Variants in CADPS2 observed in about 807,000 individuals in gnomAD.
CADPS2 encodes the protein calcium-dependent secretion activator 2.
A neutral mutation model predicts 172.5 loss-of-function variants in CADPS2; 93 were observed. The ratio of observed to expected loss-of-function variants is 0.54; its 90% CI spans 0.46 to 0.64. The LOEUF is 0.64. CADPS2 is among the 30% of genes least tolerant of loss of function. CADPS2 has a pLI of 0.00. For missense variants in CADPS2, 1,420 were observed against 1,565.9 expected (o/e 0.91, Z 1.57); for synonymous variants, 546 against 555.2 (o/e 0.98, Z 0.23).
chr7:122,575,525 C>T (rs1214051198), intron 7 of CADPS2, among the ~76,000 whole-genome samples: 1 of 151,860 alleles, frequency 6.6e-6, no homozygotes, highest in Non-Finnish European at 1.5e-5. Context: ...CAACCTCCCC[C>T]TCCAGGGTTC....
At chr7:122,572,528 T>C (rs1313008108) in intron 7 of CADPS2, among the ~76,000 whole-genome samples, 2 of 152,102 alleles carry the variant, frequency 1.3e-5, no homozygotes, top group Admixed American at 6.6e-5. Context: ...AAAAGTTATT[T>C]TGGCAAACCC....
chr7:122,629,296 G>A lies in CADPS2; in HGVS notation c.819C>T (p.Ile273=). The change falls in exon 4 of 30, where the codon ATC becomes ATT. Residue 273 remains isoleucine (I), a synonymous_variant. Coordinates refer to ENST00000449022, the MANE Select transcript of CADPS2 (RefSeq NM_017954.11). Reference sequence around the variant, plus strand: ...GCAGCCGGCCATCAAGTTCCCTTCTGATCTGGGCTGCTTGTTCATCTGCGT... The same window carrying A: ...GCAGCCGGCCATCAAGTTCCCTTCTAATCTGGGCTGCTTGTTCATCTGCGT... ...LDNADEQAAQ[I]RRELDGRLQL... 1.9e-6 allele frequency: 3 copies of A among 1,609,812 alleles called. No individual in the cohort carries two copies. Among genetic ancestry groups the A allele is most frequent in the Non-Finnish European group, 2.5e-6 (3 of 1,177,982 alleles).
intron 1 of CADPS2, among the ~76,000 whole-genome samples, chr7:122,764,030 C>T (rs1480029557): frequency 1.3e-5 from 2 of 152,124 alleles, no homozygotes; most frequent in Non-Finnish European, 2.9e-5. Flanking sequence ...ATTATAACCT[C>T]TAAGATGCTC....
chr7:122,651,426 C>T (rs572106273), intron 3 of CADPS2, among the ~76,000 whole-genome samples: 1 of 152,332 alleles, frequency 6.6e-6, no homozygotes, highest in South Asian at 2.1e-4. Context: ...ACGGTGACCA[C>T]AGCAACTGCC....
intron 2 of CADPS2, among the ~76,000 whole-genome samples, chr7:122,684,361 A>T (rs2083400623): frequency 6.6e-6 from 1 of 152,160 alleles, no homozygotes; most frequent in African/African-American, 2.4e-5. Context: ...AGCATCCAAA[A>T]GCATGATTTT....
chr7:122,693,399 A>G (rs2084652345), intron 2 of CADPS2, among the ~76,000 whole-genome samples: 1 of 152,236 alleles, frequency 6.6e-6, no homozygotes, highest in Non-Finnish European at 1.5e-5. Flanking sequence ...AGATACTTTC[A>G]GTAAAGTGAA....
At chr7:122,750,993 T>A (rs2092930706) in intron 1 of CADPS2, among the ~76,000 whole-genome samples, 1 of 152,060 alleles carries the variant, frequency 6.6e-6, no homozygotes, top group Non-Finnish European at 1.5e-5. Flanking sequence ...TGGACCAACA[T>A]AAAAACGAAA....
intron 3 of CADPS2, among the ~76,000 whole-genome samples, chr7:122,653,957 A>G (rs1340140955): frequency 1.3e-5 from 2 of 152,216 alleles, no homozygotes; most frequent in Non-Finnish European, 2.9e-5. Flanking sequence ...TAATAACCCA[A>G]TAATGGCTTG....
intron 2 of CADPS2, among the ~76,000 whole-genome samples, chr7:122,732,020 T>C (rs988807479): frequency 5.3e-5 from 8 of 151,752 alleles, no homozygotes; most frequent in African/African-American, 1.4e-4. Context: ...ATAAAAATCA[T>C]TATCATTCCT....
intron 6 of CADPS2, among the ~76,000 whole-genome samples, chr7:122,612,147 A>T (rs2074372830): frequency 6.6e-6 from 1 of 152,052 alleles, no homozygotes; most frequent in Non-Finnish European, 1.5e-5. Context: ...GTGATCAGGA[A>T]CAACACCAAC....
At chr7:122,406,245 C>G (rs1036016286) in intron 20 of CADPS2, among the ~76,000 whole-genome samples, 1 of 152,096 alleles carries the variant, frequency 6.6e-6, no homozygotes, top group African/African-American at 2.4e-5. Context: ...GAGCCATGAA[C>G]AAAACCAATA....
At chr7:122,374,258 A>C (rs763640696) in intron 25 of CADPS2, among the ~76,000 whole-genome samples, 3 of 152,178 alleles carry the variant, frequency 2.0e-5, no homozygotes, top group Non-Finnish European at 4.4e-5. Context: ...ATCTCGACAT[A>C]ATAAAGGCTA....
intron 1 of CADPS2, among the ~76,000 whole-genome samples, chr7:122,789,297 G>C (rs1794749721): frequency 6.6e-6 from 1 of 152,118 alleles, no homozygotes; most frequent in African/African-American, 2.4e-5. Flanking sequence ...GAAGCTTACT[G>C]CCTTCCTATC....
intron 2 of CADPS2, among the ~76,000 whole-genome samples, chr7:122,708,204 T>C (rs774568627): frequency 5.3e-5 from 8 of 151,718 alleles, no homozygotes; most frequent in Non-Finnish European, 1.0e-4. Flanking sequence ...CTTATTCTCA[T>C]CTTTTTAATA....
intron 3 of CADPS2, among the ~76,000 whole-genome samples, chr7:122,640,777 A>G (rs1335008314): frequency 2.6e-5 from 4 of 152,092 alleles, no homozygotes; most frequent in Non-Finnish European, 4.4e-5. Flanking sequence ...TAAAAAAAAT[A>G]CAAAAAATTA....
chr7:122,805,323 C>A (rs1342345891), intron 1 of CADPS2, among the ~76,000 whole-genome samples: 2 of 152,080 alleles, frequency 1.3e-5, no homozygotes, highest in East Asian at 3.9e-4. Flanking sequence ...CCACGCCTAG[C>A]TAATTTTTGA....
chr7:122,364,074 G>C (rs1164015878), intron 25 of CADPS2, among the ~76,000 whole-genome samples: 4 of 152,104 alleles, frequency 2.6e-5, no homozygotes. Context: ...CTACAGAACT[G>C]TAAGAATTAA....
intron 1 of CADPS2, among the ~76,000 whole-genome samples, chr7:122,810,630 G>T (rs181408456): frequency 6.6e-6 from 1 of 152,034 alleles, no homozygotes; most frequent in African/African-American, 2.4e-5. Flanking sequence ...CCATTTATTC[G>T]CAGGATTTTA....
Position 122,781,814 on chromosome 7 carries a change from A to C in CADPS2, c.340-44746T>G, listed in dbSNP as rs1792808709. On this transcript the variant is annotated intron_variant, in intron 1 of 29. Transcript: ENST00000449022. ...TATCCCTCAGTAAATTTTCTTTCTT[A>C]GGCATTTAATCTTCCACATAACCTT... is the stretch of plus-strand genomic sequence containing the variant. Among the ~76,000 whole-genome samples the C allele has an allele frequency of 2.0e-5, 3 of 152,278 alleles. No individual in the cohort carries two copies. The South Asian group carries it at 6.2e-4, about 32-fold the overall frequency.
Sources: gnomAD v4.1 joint callset for allele counts (sites outside exome capture counted in the v4.1 genomes callset) on GRCh38, gnomAD v4.1.1 for gene constraint, MANE v1.5 for transcripts, NCBI Gene and HGNC (gene_info 2026-07-23, HGNC 2026-07-21) for gene names.